The following LRRC4C variants were observed in gnomAD, a reference collection of about 807,000 sequenced individuals.
LRRC4C encodes leucine rich repeat containing 4C.
A neutral mutation model predicts 33.6 loss-of-function variants in LRRC4C; 5 were observed. That is an observed-to-expected ratio of 0.15 (90% CI 0.08 to 0.31). The LOEUF (loss-of-function observed/expected upper bound fraction) is 0.31, where lower values mean the gene tolerates loss of function less well. Among genes scored for constraint, LRRC4C ranks in the 10% least tolerant of loss-of-function variants. LRRC4C has a pLI of 1.00. For synonymous variants in LRRC4C, 329 were observed against 302.0 expected (o/e 1.09, Z -0.93); for missense variants, 560 against 796.7 (o/e 0.70, Z 3.58).
intron 3 of LRRC4C, among the ~76,000 whole-genome samples, chr11:40,533,502 G>A (rs1956353725): frequency 6.6e-6 from 1 of 152,038 alleles, no homozygotes; most frequent in Admixed American, 6.6e-5. Context: ...TGACCTCAAA[G>A]GTTTAACTCA....
At chr11:40,792,192 A>C (rs1174332013) in intron 2 of LRRC4C, among the ~76,000 whole-genome samples, 2 of 151,980 alleles carry the variant, frequency 1.3e-5, no homozygotes, top group Non-Finnish European at 2.9e-5. Context: ...AAAATATGAC[A>C]TGTTTCATTA....
intron 1 of LRRC4C, among the ~76,000 whole-genome samples, chr11:41,056,633 C>G (rs1486599724): frequency 6.6e-6 from 1 of 152,096 alleles, no homozygotes; most frequent in African/African-American, 2.4e-5. Context: ...AAGAAGACAT[C>G]TATGTGGTCA....
intron 2 of LRRC4C, among the ~76,000 whole-genome samples, chr11:40,862,380 T>C (rs1266629861): frequency 1.3e-5 from 2 of 152,208 alleles, no homozygotes; most frequent in Non-Finnish European, 2.9e-5. Context: ...GAAGTCTGAA[T>C]GGCATGTGCT....
chr11:41,138,134 T>C (rs1943346028), intron 1 of LRRC4C, among the ~76,000 whole-genome samples: 1 of 152,250 alleles, frequency 6.6e-6, no homozygotes, highest in Non-Finnish European at 1.5e-5. Flanking sequence ...AAAGAACTAC[T>C]ACTAGTTTGC....
At chr11:40,739,404 C>T (rs981237704) in intron 2 of LRRC4C, among the ~76,000 whole-genome samples, 3 of 151,678 alleles carry the variant, frequency 2.0e-5, no homozygotes, top group African/African-American at 4.8e-5. Flanking sequence ...CTTTTTGAAG[C>T]CTGAATACTC....
At chr11:40,807,157 AC>A (rs1305040907) in intron 2 of LRRC4C, among the ~76,000 whole-genome samples, 3 of 151,904 alleles carry the variant, frequency 2.0e-5, no homozygotes, top group Non-Finnish European at 2.9e-5. Flanking sequence ...TTTACTCCTC[AC>A]CCCCACACAG....
chr11:40,761,037 A>G (rs1284333606), intron 2 of LRRC4C, among the ~76,000 whole-genome samples: 1 of 151,722 alleles, frequency 6.6e-6, no homozygotes, highest in Non-Finnish European at 1.5e-5. Flanking sequence ...GGAATATTTT[A>G]TGACATGAAG....
intron 1 of LRRC4C, among the ~76,000 whole-genome samples, chr11:41,006,749 A>G (rs1482051251): frequency 6.6e-6 from 1 of 152,212 alleles, no homozygotes; most frequent in East Asian, 1.9e-4. Flanking sequence ...AAAAGCTTCA[A>G]GGATTAAATA....
chr11:40,605,930 T>G (rs954001479), intron 3 of LRRC4C, among the ~76,000 whole-genome samples: 1 of 152,096 alleles, frequency 6.6e-6, no homozygotes, highest in South Asian at 2.1e-4. Context: ...GGATTCTTCT[T>G]CTCTTGTTTT....
chr11:40,852,469 CAA>C (rs1452054954), intron 2 of LRRC4C, among the ~76,000 whole-genome samples: 1 of 151,912 alleles, frequency 6.6e-6, no homozygotes, highest in Non-Finnish European at 1.5e-5. Context: ...ACATATAAAA[CAA>C]TATTAATATA....
At chr11:41,301,533 TTATAA>T (rs1348424707) in intron 1 of LRRC4C, among the ~76,000 whole-genome samples, 2 of 152,130 alleles carry the variant, frequency 1.3e-5, no homozygotes, top group African/African-American at 2.4e-5. Context: ...TAATTAAATA[TTATAA>T]TATAACAATG....
chr11:40,936,901 A>T (rs551124315), intron 1 of LRRC4C, among the ~76,000 whole-genome samples: 21 of 152,336 alleles, frequency 1.4e-4, no homozygotes, highest in East Asian at 1.4e-3. Context: ...TCTGGAGTCC[A>T]TACAGCAGCG....
intron 4 of LRRC4C, among the ~76,000 whole-genome samples, chr11:40,297,946 T>C (rs530411423): frequency 1.3e-5 from 2 of 152,318 alleles, no homozygotes; most frequent in South Asian, 2.1e-4. Context: ...TGGATAGAAA[T>C]GATTTGCTCA....
rs76287120 is a variant in LRRC4C at position 40,693,217 on chromosome 11, A to C, written c.-406-44939T>G. On this transcript the variant is annotated intron_variant, in intron 2 of 6. Transcript: ENST00000528697. ...TGGTCTGCCATTTCAGATAGCATTCATAAAGAAGTGAGATAGATAAAAATA... is the reference window on the plus strand; with the variant it reads ...TGGTCTGCCATTTCAGATAGCATTCCTAAAGAAGTGAGATAGATAAAAATA... Among the ~76,000 whole-genome samples, 358 of 152,286 alleles carry C rather than the reference A, an allele frequency of 2.4e-3. 2 individuals carry two copies. The highest frequency in any genetic ancestry group is 8.2e-3 in the African/African-American group (340 of 41,570).
chr11:40,987,661 T>G (rs1221369909), intron 1 of LRRC4C, among the ~76,000 whole-genome samples: 1 of 37,146 alleles, frequency 2.7e-5, no homozygotes. Flanking sequence ...ATCTCATATA[T>G]ATGAGATATA....
intron 4 of LRRC4C, among the ~76,000 whole-genome samples, chr11:40,245,417 A>C (rs1866252753): frequency 6.6e-6 from 1 of 152,228 alleles, no homozygotes; most frequent in Admixed American, 6.5e-5. Context: ...AGAGGCACTT[A>C]GTAAACAGTC....
intron 1 of LRRC4C, among the ~76,000 whole-genome samples, chr11:41,137,196 C>CATCT (rs1943302884): frequency 1.3e-5 from 2 of 151,928 alleles, no homozygotes; most frequent in African/African-American, 4.8e-5. Context: ...GAGCTGAGAT[C>CATCT]ATGCCACTGC....
chr11:41,101,169 T>C (rs1230979703), intron 1 of LRRC4C, among the ~76,000 whole-genome samples: 1 of 151,974 alleles, frequency 6.6e-6, no homozygotes, highest in Non-Finnish European at 1.5e-5. Context: ...TAATAAAACT[T>C]AAGAGCTTCT....
intron 2 of LRRC4C, among the ~76,000 whole-genome samples, chr11:40,840,298 A>G (rs747052072): frequency 3.5e-4 from 53 of 152,200 alleles, no homozygotes; most frequent in Non-Finnish European, 7.4e-4. Flanking sequence ...TACTCAGCAA[A>G]TCTCCCAAAC....
Sources: allele counts gnomAD v4.1 joint callset (sites outside exome capture counted in the v4.1 genomes callset), GRCh38; gene constraint gnomAD v4.1.1; transcripts MANE v1.5; gene names NCBI Gene and HGNC (gene_info 2026-07-23, HGNC 2026-07-21).